Variants in ITPRIP observed in about 807,000 individuals in gnomAD.
The protein encoded by ITPRIP is inositol 1,4,5-trisphosphate receptor-interacting protein.
In ITPRIP, 32 loss-of-function variants were observed where a neutral mutation model predicts 35.8. That is an observed-to-expected ratio of 0.89 (90% CI 0.68 to 1.20). The LOEUF is 1.20. Ranked by LOEUF, ITPRIP falls within the 50% of genes most tolerant of loss-of-function variation. ITPRIP has a pLI of 0.00. For missense variants in ITPRIP, 653 were observed against 735.6 expected (o/e 0.89, Z 1.30); for synonymous variants, 358 against 324.0 (o/e 1.11, Z -1.13).
chr10:104,335,726 G>A (rs1170043282), intron 1 of ITPRIP, among the ~76,000 whole-genome samples: 1 of 152,092 alleles, frequency 6.6e-6, no homozygotes, highest in Non-Finnish European at 1.5e-5. Context: ...CCTTTCCCAC[G>A]AGGGTTCCCA....
Position 104,313,568 on chromosome 10 carries a change from G to A in ITPRIP, c.*840C>T, listed in dbSNP as rs2013544437. The A allele has an allele frequency of 1.0e-6, 1 of 985,274 alleles. No homozygotes were observed. Among genetic ancestry groups the A allele is most frequent in the Admixed American group, 6.2e-5 (1 of 16,250 alleles). The allele number at this position is 985,274 out of a possible 1,614,324, so 61.0% of individuals were successfully genotyped here. On this transcript the variant is annotated 3_prime_UTR_variant, in exon 2 of 2. Transcript: ENST00000337478. ...CTGTCCTCCCCCTACCACAATGATA[G>A]TCAGAAAGACCAGCTTTGGAGAGAA...
At chr10:104,319,077 CA>C (rs1396359485) in intron 1 of ITPRIP, among the ~76,000 whole-genome samples, 6 of 152,248 alleles carry the variant, frequency 3.9e-5, no homozygotes, top group Non-Finnish European at 7.3e-5. Flanking sequence ...AACAGGGCAC[CA>C]GCCTGGGGAA....
chr10:104,318,528 A>G (rs1305652555), intron 1 of ITPRIP, among the ~76,000 whole-genome samples: 2 of 152,184 alleles, frequency 1.3e-5, no homozygotes, highest in East Asian at 1.9e-4. Flanking sequence ...GCCAAGCCCT[A>G]TGGCTGGGAA....
chr10:104,325,610 C>T (rs1009447622), intron 1 of ITPRIP, among the ~76,000 whole-genome samples: 2 of 152,226 alleles, frequency 1.3e-5, no homozygotes, highest in Non-Finnish European at 2.9e-5. Flanking sequence ...AGAGAAGAGG[C>T]TTTGTTGGGT....
intron 1 of ITPRIP, among the ~76,000 whole-genome samples, chr10:104,335,774 C>G (rs1436395153): frequency 6.6e-6 from 1 of 152,184 alleles, no homozygotes. Context: ...GCTTCTTGGT[C>G]TATGAATGCC....
intron 1 of ITPRIP, among the ~76,000 whole-genome samples, chr10:104,325,306 C>T (rs2135198152): frequency 6.6e-6 from 1 of 152,274 alleles, no homozygotes; most frequent in Admixed American, 6.5e-5. Flanking sequence ...AAGCGTTCCT[C>T]AAGGTAACCC....
chr10:104,329,519 C>G (rs922549598), intron 1 of ITPRIP, among the ~76,000 whole-genome samples: 3 of 152,132 alleles, frequency 2.0e-5, no homozygotes, highest in African/African-American at 2.4e-5. Flanking sequence ...ATAATGCCTG[C>G]TGAATGCATG....
At chr10:104,319,259 C>T (rs562444887) in intron 1 of ITPRIP, among the ~76,000 whole-genome samples, 1 of 152,332 alleles carries the variant, frequency 6.6e-6, no homozygotes, top group African/African-American at 2.4e-5. Context: ...TGAGATCATA[C>T]ACCTTGGGTG....
intron 1 of ITPRIP, among the ~76,000 whole-genome samples, chr10:104,325,876 T>C (rs2013992916): frequency 6.6e-6 from 1 of 151,872 alleles, no homozygotes; most frequent in Non-Finnish European, 1.5e-5. Context: ...ACTGACTGAG[T>C]GGGATGCTGG....
At chr10:104,329,636 A>G (rs958992679) in intron 1 of ITPRIP, among the ~76,000 whole-genome samples, 4 of 152,122 alleles carry the variant, frequency 2.6e-5, no homozygotes, top group Non-Finnish European at 5.9e-5. Flanking sequence ...TCACCGAGAA[A>G]GAAACAGCCC....
Position 104,328,489 on chromosome 10 carries a change from G to A in ITPRIP, c.-14+9757C>T, listed in dbSNP as rs2135206507. Reference sequence around the variant, plus strand: ...CCACACTTTCTCAGTGGGACAGGGAGGGGAGGCTGCACGCTTAGACGCAGG... The same window carrying A: ...CCACACTTTCTCAGTGGGACAGGGAAGGGAGGCTGCACGCTTAGACGCAGG... On this transcript the variant is annotated intron_variant, in intron 1 of 1. Coordinates refer to ENST00000337478, the MANE Select transcript of ITPRIP (RefSeq NM_001272013.2). This position sits in a 1 kb window ranked among gnomAD's most constrained non-coding sequence, Gnocchi z 4.1. 6.6e-6 allele frequency among the ~76,000 whole-genome samples: 1 copy of A among 152,266 alleles called. No individual in the cohort carries two copies. The highest frequency in any genetic ancestry group is 2.4e-5 in the African/African-American group (1 of 41,554).
rs1041150134 is a variant in ITPRIP at position 104,313,009 on chromosome 10, C to T, written c.*1399G>A. ...CCTGAACCAGACCTGGAGACGGAGC[C>T]CAGCTCCAACCACAGAGCTTCTGCC... On this transcript the variant is annotated 3_prime_UTR_variant, in exon 2 of 2. Transcript: ENST00000337478. 1.0e-6 allele frequency: 1 copy of T among 985,410 alleles called. No individual in the cohort carries two copies. The highest frequency in any genetic ancestry group is 1.2e-6 in the Non-Finnish European group (1 of 829,972). The allele number at this position is 985,410 out of a possible 1,614,324, so 61.0% of individuals were successfully genotyped here.
At position 104,313,291 on chromosome 10, in the gene ITPRIP, C is replaced by T. The variant is rs1303703250; in HGVS notation, c.*1117G>A. ...GAACTGGGCCAGACTGCAAGCCAGA[C>T]ACCACCACCCCGGGTAGCATTTTTG... On this transcript the variant is annotated 3_prime_UTR_variant, in exon 2 of 2. Transcript: ENST00000337478. 6.1e-6 allele frequency: 6 copies of T among 985,782 alleles called. No individual in the cohort carries two copies. The highest frequency in any genetic ancestry group is 4.7e-5 in the South Asian group (1 of 21,350). 61.1% of individuals were successfully genotyped at this position (985,782 alleles called of 1,614,324 possible).
In ITPRIP at chr10:104,315,788, G is replaced by A. The variant is rs1218022525; in HGVS notation, c.264C>T (p.Leu88=). The change falls in exon 2 of 2, where the codon CTC becomes CTT. Residue 88 remains leucine (L), a synonymous_variant. Transcript: ENST00000337478. This position sits in a 1 kb window ranked among gnomAD's most constrained non-coding sequence, Gnocchi z 5.7. ...AGAGGATCATGCAGAGGGTGCTCCA[G>A]AGGTCCCAGGCCACGCGTGTCTCGT... ...QQNETRVAWD[L]WSTLCMILFL... The A allele has an allele frequency of 6.2e-7, 1 of 1,613,878 alleles. No homozygotes were observed. The highest frequency in any genetic ancestry group is 8.5e-7 in the Non-Finnish European group (1 of 1,180,022).
Position 104,328,360 on chromosome 10 carries a change from G to C in ITPRIP, c.-14+9886C>G. The C allele has an allele frequency of 1.1e-6, 1 of 888,410 alleles. No homozygotes were observed. Among genetic ancestry groups the C allele is most frequent in the Non-Finnish European group, 1.3e-6 (1 of 742,346 alleles). The allele number at this position is 888,410 out of a possible 1,614,324, so 55.0% of individuals were successfully genotyped here. A position where few individuals can be genotyped will look rare whatever the true frequency, so the allele number is the denominator to read the frequency against. On this transcript the variant is annotated intron_variant, in intron 1 of 1. Coordinates refer to ENST00000337478, the MANE Select transcript of ITPRIP (RefSeq NM_001272013.2). This position sits in a 1 kb window ranked among gnomAD's most constrained non-coding sequence, Gnocchi z 4.1. ...AGAGAGCATGAATACCCACCTTGGG[G>C]CAGGACATGCCAGAGTTCCCAAGAG...
rs1208651003 is a variant in ITPRIP at position 104,312,293 on chromosome 10, A to AT, written c.*2114dup. The AT allele has an allele frequency of 6.6e-6, 1 of 152,298 alleles. No individual in the cohort carries two copies. The highest frequency in any genetic ancestry group is 1.5e-5 in the Non-Finnish European group (1 of 68,022). The allele number at this position is 152,298 out of a possible 1,614,324, so 9.4% of individuals were successfully genotyped here. A position where few individuals can be genotyped will look rare whatever the true frequency, so the allele number is the denominator to read the frequency against. On this transcript the variant is annotated 3_prime_UTR_variant, in exon 2 of 2. Coordinates refer to ENST00000337478, the MANE Select transcript of ITPRIP (RefSeq NM_001272013.2). Reference sequence around the variant, plus strand: ...CTCTGTACACACAAGAAGCCAGAAGATATTTTTTTTTCAGTGAACTTTCTC... The same window carrying AT: ...CTCTGTACACACAAGAAGCCAGAAGATTATTTTTTTTTCAGTGAACTTTCTC...
chr10:104,329,525 G>A (rs1366430866), intron 1 of ITPRIP, among the ~76,000 whole-genome samples: 1 of 152,128 alleles, frequency 6.6e-6, no homozygotes, highest in Non-Finnish European at 1.5e-5. Flanking sequence ...CCTGCTGAAT[G>A]CATGGACCCA....
At position 104,313,040 on chromosome 10, in the gene ITPRIP, C is replaced by A; in HGVS notation, c.*1368G>T. On this transcript the variant is annotated 3_prime_UTR_variant, in exon 2 of 2. Coordinates refer to ENST00000337478, the MANE Select transcript of ITPRIP (RefSeq NM_001272013.2). ...CCAACCACAGAGCTTCTGCCAGGCTCTTTGGGTCTGGGTCATCTGTGTGGT... is the reference window on the plus strand; with the variant it reads ...CCAACCACAGAGCTTCTGCCAGGCTATTTGGGTCTGGGTCATCTGTGTGGT... 1 of 985,442 alleles carries A rather than the reference C, an allele frequency of 1.0e-6. No individual in the cohort carries two copies. The highest frequency in any genetic ancestry group is 1.2e-6 in the Non-Finnish European group (1 of 829,990). The allele number at this position is 985,442 out of a possible 1,614,324, so 61.0% of individuals were successfully genotyped here. A position where few individuals can be genotyped will look rare whatever the true frequency, so the allele number is the denominator to read the frequency against.
chr10:104,327,393 C>A (rs1223644671), intron 1 of ITPRIP, among the ~76,000 whole-genome samples: 1 of 152,114 alleles, frequency 6.6e-6, no homozygotes, highest in East Asian at 1.9e-4. Context: ...CCTCAGAGGA[C>A]CTCTTGGTTC....
Sources: gnomAD v4.1 joint callset for allele counts (sites outside exome capture counted in the v4.1 genomes callset) on GRCh38, gnomAD v4.1.1 for gene constraint, Gnocchi (gnomAD v3.1) non-coding constraint, MANE v1.5 for transcripts, NCBI Gene and HGNC (gene_info 2026-07-23, HGNC 2026-07-21) for gene names.